The following FLVCR2 variants were observed in gnomAD, a reference collection of about 807,000 sequenced individuals.
The protein encoded by FLVCR2 is choline/ethanolamine transporter FLVCR2.
Under a neutral mutation model 48.9 loss-of-function variants are expected in FLVCR2, and 38 were observed. That is an observed-to-expected ratio of 0.78 (90% confidence interval 0.60 to 1.02). The LOEUF (loss-of-function observed/expected upper bound fraction) is 1.02, where lower values mean the gene tolerates loss of function less well. Ranked by LOEUF, FLVCR2 falls within the 50% of genes least tolerant of loss-of-function variation. The pLI is 0.00. For missense variants in FLVCR2, 664 were observed against 663.3 expected, an observed-to-expected ratio of 1.00 and a Z score of -0.01; for synonymous variants, 255 against 257.0, an observed-to-expected ratio of 0.99 and a Z score of 0.07.
At chr14:75,640,806 A>G (rs906980065) in intron 6 of FLVCR2, 149 bp from the exon 7 acceptor site, 14 of 702,798 alleles carry the variant, frequency 2.0e-5, no homozygotes, top group Non-Finnish European at 3.6e-5. Context: ...GTATGATCAC[A>G]TAGAGGATGC....
chr14:75,624,951 T>C (rs1193157762), intron 3 of FLVCR2, among the ~76,000 whole-genome samples, 199 bp downstream of exon 3: 1 of 152,064 alleles, frequency 6.6e-6, no homozygotes, highest in Non-Finnish European at 1.5e-5. Flanking sequence ...TTTCTTCCCA[T>C]GTCAGGTTAT....
intron 1 of FLVCR2, among the ~76,000 whole-genome samples, chr14:75,596,779 T>TTC (rs1889031041): frequency 2.8e-5 from 3 of 106,470 alleles, no homozygotes; most frequent in African/African-American, 3.9e-5. Context: ...ACTCCTCTTT[T>TTC]GCCCCCCCCC....
chr14:75,605,468 G>A (rs1215899449), intron 1 of FLVCR2: 1 of 1,510,412 alleles, frequency 6.6e-7, no homozygotes, highest in African/African-American at 1.4e-5. Context: ...AGACACTTCT[G>A]CTTTCTGACT....
rs749343181 is a variant in FLVCR2, at chr14:75,641,207, C to T, written c.1367C>T (p.Ser456Phe). The change falls in exon 8 of 10, where the codon TCC (serine) becomes TTC (phenylalanine). Residue 456 changes from serine (S) to phenylalanine (F), a missense_variant. Transcript: ENST00000238667. ...GTATTTGGGATCATCTTTACCATCT[C>T]CCAGGGCCAGATTATTGACAACTAT... is the stretch of plus-strand genomic sequence containing the variant. ...AQVFGIIFTI[S>F]QGQIIDNYGT... 1.7e-5 allele frequency: 27 copies of T among 1,613,868 alleles called. No homozygotes were observed. In the East Asian group the frequency reaches 5.8e-4, roughly 35 times the overall value.
chr14:75,598,026 G>A (rs888248401), intron 1 of FLVCR2, among the ~76,000 whole-genome samples: 2 of 150,048 alleles, frequency 1.3e-5, no homozygotes, highest in Non-Finnish European at 3.0e-5. Context: ...TTCTTTTTTT[G>A]TAGAGATGAG....
rs1235597643 is a variant in FLVCR2, at chr14:75,647,607, G to A, written c.*1135G>A. The A allele has an allele frequency of 6.6e-6, 1 of 152,650 alleles. No individual in the cohort carries two copies. The highest frequency in any genetic ancestry group is 2.4e-5 in the African/African-American group (1 of 41,452). 9.5% of individuals were successfully genotyped at this position (152,650 alleles called of 1,614,324 possible). A position where few individuals can be genotyped will look rare whatever the true frequency, so the allele number is the denominator to read the frequency against. On this transcript the variant is annotated 3_prime_UTR_variant, in exon 10 of 10. Coordinates refer to ENST00000238667, the MANE Select transcript of FLVCR2 (RefSeq NM_017791.3). ...CTGCTTTGAGCGATAATCTTTATCA[G>A]ATATTCTAAACTTAAAGGGATTCCC...
intron 1 of FLVCR2, among the ~76,000 whole-genome samples, chr14:75,610,524 G>A (rs550741936): frequency 2.0e-5 from 3 of 151,822 alleles, no homozygotes; most frequent in African/African-American, 7.3e-5. Flanking sequence ...CAACTTCTCT[G>A]TTTACAGCCT....
At position 75,579,224 on chromosome 14, in the gene FLVCR2, T is replaced by C. The variant is rs768376548; in HGVS notation, c.252T>C (p.Arg84=). Residue 84 remains arginine (R), a synonymous_variant, in exon 1 of 10, where the codon CGT becomes CGC. Transcript: ENST00000238667. ...DLSVIKVSRR[R]WAVVLVFSCY... Reference sequence around the variant, plus strand: ...GCGTGATCAAGGTGAGCAGGCGCCGTTGGGCCGTGGTCCTGGTGTTTAGCT... The same window carrying C: ...GCGTGATCAAGGTGAGCAGGCGCCGCTGGGCCGTGGTCCTGGTGTTTAGCT... 3.1e-6 allele frequency: 5 copies of C among 1,614,242 alleles called. No homozygotes were observed. The highest frequency in any genetic ancestry group is 2.2e-5 in the South Asian group (2 of 91,086).
At chr14:75,580,642 G>A (rs1888572345) in intron 1 of FLVCR2, among the ~76,000 whole-genome samples, 1 of 152,042 alleles carries the variant, frequency 6.6e-6, no homozygotes, top group Admixed American at 6.5e-5. Context: ...TATAGGTTTT[G>A]GGATAGGTGG....
At chr14:75,617,152 T>C (rs1889640123) in intron 1 of FLVCR2, among the ~76,000 whole-genome samples, 1 of 152,190 alleles carries the variant, frequency 6.6e-6, no homozygotes. Context: ...TGTTGTGTAA[T>C]GGGTTGGGTA....
At chr14:75,622,330 C>G (rs1379377405) in intron 2 of FLVCR2, 110 bp downstream of exon 2, 1 of 1,129,020 alleles carries the variant, frequency 8.9e-7, no homozygotes, top group South Asian at 1.2e-5. Flanking sequence ...TGGATATTTA[C>G]AGAAACTGGA....
At position 75,622,154 on chromosome 14, in the gene FLVCR2, C is replaced by A; in HGVS notation, c.745C>A (p.His249Asn). ...NIEDRDELAY[H>N]ISIMFYIIGG... The stretch of plus-strand genomic sequence containing the variant: ...TGAAGACCGGGACGAGCTTGCCTAC[C>A]ACATCAGCATCATGTTCTATATAAT... Residue 249 changes from histidine to asparagine, a missense_variant, in exon 2 of 10, where the codon CAC (histidine) becomes AAC (asparagine). Transcript: ENST00000238667. 6.2e-7 allele frequency: 1 copy of A among 1,613,924 alleles called. No homozygotes were observed. Among genetic ancestry groups the A allele is most frequent in the Non-Finnish European group, 8.5e-7 (1 of 1,179,848 alleles).
intron 6 of FLVCR2, among the ~76,000 whole-genome samples, chr14:75,640,405 TTGTGTGTGTG>T (rs10562124): frequency 2.0e-5 from 3 of 148,392 alleles, no homozygotes; most frequent in African/African-American, 5.0e-5. Flanking sequence ...ATATGAGTGT[TTGTGTGTGTG>T]TGTGTGTGTG....
At chr14:75,644,679 G>A (rs924096348) in intron 9 of FLVCR2, among the ~76,000 whole-genome samples, 4 of 152,128 alleles carry the variant, frequency 2.6e-5, no homozygotes, top group African/African-American at 9.7e-5. Flanking sequence ...CAGCAAGGAA[G>A]CCAGGGCCAT....
intron 6 of FLVCR2, 174 bp from the exon 7 acceptor site, chr14:75,640,781 G>T (rs574252003): frequency 9.1e-6 from 6 of 660,586 alleles, no homozygotes; most frequent in Admixed American, 2.2e-5. Context: ...GCCTTCAGGG[G>T]TGCCCGTCTC....
In FLVCR2 at chr14:75,589,860, G is replaced by A. The variant is rs914579557; in HGVS notation, c.669+10219G>A. On this transcript the variant is annotated intron_variant, in intron 1 of 9. Coordinates refer to ENST00000238667, the MANE Select transcript of FLVCR2 (RefSeq NM_017791.3). ...GACCACTTGAGCCATGGCTGGGGTAGCCAAGGAATGCCATGCCAGAATGCA... is the reference window on the plus strand; with the variant it reads ...GACCACTTGAGCCATGGCTGGGGTAACCAAGGAATGCCATGCCAGAATGCA... Among the ~76,000 whole-genome samples, 6 of 152,226 alleles carry A rather than the reference G, an allele frequency of 3.9e-5. No homozygotes were observed. The East Asian group carries it at 1.2e-3, about 29-fold the overall frequency.
rs199985828 is a variant in FLVCR2, at chr14:75,579,424, G to C, written c.452G>C (p.Arg151Pro). The change falls in exon 1 of 10, where the codon CGC (arginine) becomes CCC (proline). Residue 151 changes from arginine (R) to proline (P), a missense_variant. Coordinates refer to ENST00000238667, the MANE Select transcript of FLVCR2 (RefSeq NM_017791.3). ...TGGCTGCTGGAGAAGTTCGGCCTGC[G>C]CACCATTGCTCTCACTGGCTCGGCT... Reference protein sequence around the residue: ...VAWLLEKFGLRTIALTGSALN... With the variant: ...VAWLLEKFGLPTIALTGSALN... 20 of 1,613,948 alleles carry C rather than the reference G, an allele frequency of 1.2e-5. No homozygotes were observed. Among genetic ancestry groups the C allele is most frequent in the Non-Finnish European group, 1.7e-5 (20 of 1,180,032 alleles).
intron 1 of FLVCR2, chr14:75,605,446 G>A: frequency 6.7e-7 from 1 of 1,483,368 alleles, no homozygotes; most frequent in South Asian, 1.3e-5. Context: ...TGTAAGCTCT[G>A]GTGGCCCAGC....
intron 3 of FLVCR2, among the ~76,000 whole-genome samples, chr14:75,626,943 C>T (rs1282613017): frequency 1.3e-5 from 2 of 151,892 alleles, no homozygotes; most frequent in Non-Finnish European, 2.9e-5. Flanking sequence ...AAAATGGTGA[C>T]AGTGGTGATA....
Sources: gnomAD v4.1 joint callset for allele counts (sites outside exome capture counted in the v4.1 genomes callset) on GRCh38, gnomAD v4.1.1 for gene constraint, MANE v1.5 for transcripts, NCBI Gene and HGNC (gene_info 2026-07-23, HGNC 2026-07-21) for gene names.